Variants in ZDHHC15 observed in about 807,000 individuals in gnomAD.
ZDHHC15 encodes palmitoyltransferase ZDHHC15.
Under a neutral mutation model 31.7 loss-of-function variants are expected in ZDHHC15, and 19 were observed. That is an observed-to-expected ratio of 0.60 (90% CI 0.42 to 0.88). The LOEUF (loss-of-function observed/expected upper bound fraction) is 0.88, where lower values mean the gene tolerates loss of function less well. Among genes scored for constraint, ZDHHC15 ranks in the 40% least tolerant of loss-of-function variants. The pLI is 0.00. For synonymous variants in ZDHHC15, 103 were observed against 90.0 expected (o/e 1.14, Z -0.82); for missense variants, 209 against 251.2 (o/e 0.83, Z 1.14).
At chrX:75,492,570 T>C (rs917124111) in intron 2 of ZDHHC15, among the ~76,000 whole-genome samples, 1 of 111,643 alleles carries the variant, frequency 9.0e-6, no homozygotes, top group African/African-American at 3.3e-5. Context: ...ACAGAAATTA[T>C]AACAAACTGT....
At chrX:75,438,172 C>G (rs1010622127) in intron 4 of ZDHHC15, among the ~76,000 whole-genome samples, 22 of 111,878 alleles carry the variant, frequency 2.0e-4, no homozygotes, top group Non-Finnish European at 3.6e-4. Context: ...CACTTTTACA[C>G]TGTTGGTGGG....
intron 3 of ZDHHC15, among the ~76,000 whole-genome samples, chrX:75,472,227 A>G (rs1229411297): frequency 2.7e-5 from 3 of 111,455 alleles, no homozygotes; most frequent in Non-Finnish European, 5.6e-5. Context: ...ACTATGATCA[A>G]TTGACAGAGG....
chrX:75,387,058 C>T, intron 10 of ZDHHC15, among the ~76,000 whole-genome samples: 1 of 111,254 alleles, frequency 9.0e-6, no homozygotes, highest in Non-Finnish European at 1.9e-5. Context: ...ATGGGCAGTG[C>T]TCCCATTGTT....
chrX:75,402,427 C>A (rs1001935561), intron 10 of ZDHHC15, among the ~76,000 whole-genome samples: 5 of 110,598 alleles, frequency 4.5e-5, no homozygotes, highest in Non-Finnish European at 9.5e-5. Context: ...ACATGAAAAA[C>A]CATTCAAAAG....
intron 3 of ZDHHC15, among the ~76,000 whole-genome samples, chrX:75,453,470 A>T (rs2147916872): frequency 8.9e-6 from 1 of 111,789 alleles, no homozygotes; most frequent in Admixed American, 9.5e-5. Flanking sequence ...TACAAAGAGG[A>T]GCTGGTACCA....
intron 10 of ZDHHC15, among the ~76,000 whole-genome samples, chrX:75,409,872 G>T (rs1436571366): frequency 9.3e-6 from 1 of 107,697 alleles, no homozygotes; most frequent in South Asian, 4.1e-4. Context: ...ATGGTGCATG[G>T]TGTTGGGATA....
intron 1 of ZDHHC15, among the ~76,000 whole-genome samples, chrX:75,514,574 G>A (rs910912918): frequency 9.8e-5 from 11 of 111,787 alleles, no homozygotes; most frequent in East Asian, 2.8e-4. Flanking sequence ...AGTGTGAGCC[G>A]AAGCGGGGCG....
At chrX:75,440,403 C>T (rs903099513) in intron 4 of ZDHHC15, among the ~76,000 whole-genome samples, 1 of 111,454 alleles carries the variant, frequency 9.0e-6, no homozygotes. Flanking sequence ...CCTTAGCCTC[C>T]TGAGTAGCTG....
At chrX:75,491,073 C>T (rs1312977056) in intron 2 of ZDHHC15, among the ~76,000 whole-genome samples, 1 of 111,428 alleles carries the variant, frequency 9.0e-6, no homozygotes, top group African/African-American at 3.3e-5. Flanking sequence ...TGTGGTGATT[C>T]CTCAGGGATC....
intron 10 of ZDHHC15, among the ~76,000 whole-genome samples, chrX:75,411,347 A>G (rs1170780405): frequency 9.0e-6 from 1 of 110,684 alleles, no homozygotes; most frequent in African/African-American, 3.3e-5. Context: ...CGAGTAGCTG[A>G]GACTACAGGT....
At chrX:75,382,444 T>C (rs928382663) in intron 10 of ZDHHC15, among the ~76,000 whole-genome samples, 1 of 111,964 alleles carries the variant, frequency 8.9e-6, no homozygotes, top group Non-Finnish European at 1.9e-5. Context: ...AATGTCTCGC[T>C]ACCCAAAGGA....
intron 4 of ZDHHC15, among the ~76,000 whole-genome samples, chrX:75,444,677 T>C (rs867597139): frequency 0.023 from 943 of 41,714 alleles, 32 homozygotes; most frequent in Non-Finnish European, 0.039. Context: ...TATATATATA[T>C]ATATATATAT....
chrX:75,408,226 A>T (rs986946400), intron 10 of ZDHHC15, among the ~76,000 whole-genome samples: 9 of 111,190 alleles, frequency 8.1e-5, no homozygotes, highest in African/African-American at 2.6e-4. Context: ...AAAAAAATAA[A>T]AAATAAATAA....
At chrX:75,510,224 A>T (rs1433999441) in intron 1 of ZDHHC15, among the ~76,000 whole-genome samples, 1 of 111,820 alleles carries the variant, frequency 8.9e-6, no homozygotes, top group African/African-American at 3.2e-5. Flanking sequence ...CACATAGCAC[A>T]ACTTTGGATG....
chrX:75,441,495 TC>T (rs1190210492), intron 4 of ZDHHC15, among the ~76,000 whole-genome samples: 1 of 111,772 alleles, frequency 8.9e-6, no homozygotes, highest in African/African-American at 3.3e-5. Flanking sequence ...AAGTGGACTT[TC>T]CCCCTCTCAA....
intron 1 of ZDHHC15, among the ~76,000 whole-genome samples, chrX:75,508,397 T>C (rs2085203171): frequency 9.7e-6 from 1 of 102,918 alleles, no homozygotes; most frequent in Non-Finnish European, 2.0e-5. Flanking sequence ...CATGCAGTGT[T>C]TGGTTTTTTT....
At chrX:75,389,539 C>T (rs1047007362) in intron 10 of ZDHHC15, among the ~76,000 whole-genome samples, 4 of 109,481 alleles carry the variant, frequency 3.7e-5, no homozygotes, top group Non-Finnish European at 7.6e-5. Flanking sequence ...GATAGGGTAC[C>T]AGGAAGAGTC....
chrX:75,422,871 T>C (rs1405084886), intron 8 of ZDHHC15, among the ~76,000 whole-genome samples: 1 of 108,400 alleles, frequency 9.2e-6, no homozygotes, highest in African/African-American at 3.4e-5. Context: ...TAGTTACATA[T>C]GTATACATGT....
chrX:75,516,808 A>C (rs1054525521), intron 1 of ZDHHC15, among the ~76,000 whole-genome samples: 6 of 111,737 alleles, frequency 5.4e-5, no homozygotes, highest in Non-Finnish European at 9.4e-5. Context: ...CAACCTACAG[A>C]ATGGGAGAAA....
Sources: allele counts gnomAD v4.1 joint callset (sites outside exome capture counted in the v4.1 genomes callset), GRCh38; gene constraint gnomAD v4.1.1; transcripts MANE v1.5; gene names NCBI Gene and HGNC (gene_info 2026-07-23, HGNC 2026-07-21).